Variants in BCAP29 observed in about 807,000 individuals in gnomAD.
BCAP29 encodes the protein B cell receptor associated protein 29, also known as B-cell receptor-associated protein 29.
BCAP29 carries 34 observed loss-of-function variants against 31.8 expected under a neutral mutation model. The observed-to-expected ratio is 1.07, with a 90% CI of 0.81 to 1.42. The LOEUF (loss-of-function observed/expected upper bound fraction) is 1.42, where lower values mean the gene tolerates loss of function less well. Among genes scored for constraint, BCAP29 ranks in the 40% most tolerant of loss-of-function variants. The pLI is 0.00. For missense variants in BCAP29, 314 were observed against 269.2 expected (o/e 1.17, Z -1.16); for synonymous variants, 104 against 91.3 (o/e 1.14, Z -0.79).
At chr7:107,614,560 C>T (rs1813786289) in intron 7 of BCAP29, among the ~76,000 whole-genome samples, 1 of 152,224 alleles carries the variant, frequency 6.6e-6, no homozygotes, top group African/African-American at 2.4e-5. Flanking sequence ...TGTATTACTT[C>T]CTCTGTAGGA....
At chr7:107,615,401 C>A (rs1813932799) in intron 7 of BCAP29, 1 of 444,580 alleles carries the variant, frequency 2.2e-6, no homozygotes, top group African/African-American at 2.0e-5. Context: ...TCAAGACCAT[C>A]CTGGCTAACA....
chr7:107,594,256 A>G, intron 4 of BCAP29, 151 bp downstream of exon 4: 5 of 656,412 alleles, frequency 7.6e-6, no homozygotes, highest in Middle Eastern at 4.2e-4. Context: ...TGGTGCCTTC[A>G]TAGCTCACTG....
intron 5 of BCAP29, among the ~76,000 whole-genome samples, chr7:107,599,925 C>G (rs938183105): frequency 3.3e-4 from 50 of 152,096 alleles, no homozygotes; most frequent in African/African-American, 1.2e-3. Flanking sequence ...AGAAATGGTC[C>G]TGTCATTTCC....
rs1303562851 is a variant in BCAP29, at chr7:107,580,838, C to G, written c.66C>G (p.Phe22Leu). The G allele has an allele frequency of 1.9e-6, 3 of 1,589,698 alleles. No homozygotes were observed. Among genetic ancestry groups the G allele is most frequent in the Middle Eastern group, 1.7e-4 (1 of 6,028 alleles). The part of the protein sequence containing the change: ...LYAEIGLILI[F>L]CLPFIPPQRW... ...CCGAAATAGGACTCATTTTAATCTT[C>G]TGCCTACCTTTTATTCCTCCTCAGA... is the stretch of plus-strand genomic sequence containing the variant. Residue 22 changes from phenylalanine (F) to leucine (L), a missense_variant, in exon 2 of 8, where the codon TTC (phenylalanine) becomes TTG (leucine). By Grantham distance (22) the Phe-to-Leu change is conservative. Transcript: ENST00000005259.
chr7:107,590,643 C>A (rs1432704341), intron 3 of BCAP29, among the ~76,000 whole-genome samples: 1 of 151,870 alleles, frequency 6.6e-6, no homozygotes, highest in Non-Finnish European at 1.5e-5. Flanking sequence ...CATGGCTAAA[C>A]CCCGTCTCTA....
At chr7:107,602,310 C>T (rs1182971748) in intron 6 of BCAP29, among the ~76,000 whole-genome samples, 2 of 152,100 alleles carry the variant, frequency 1.3e-5, no homozygotes, top group Admixed American at 1.3e-4. Context: ...GATCAGAGTT[C>T]CGTTTCTAAA....
In BCAP29 at chr7:107,583,941, C is replaced by T; in HGVS notation, c.152C>T (p.Ala51Val). 6.3e-7 allele frequency: 1 copy of T among 1,584,886 alleles called. No individual in the cohort carries two copies. The highest frequency in any genetic ancestry group is 8.6e-7 in the Non-Finnish European group (1 of 1,164,338). The change falls in exon 3 of 8, where the codon GCT becomes GTT. Residue 51 changes from alanine to valine, a missense_variant. Coordinates refer to ENST00000005259, the MANE Select transcript of BCAP29 (RefSeq NM_018844.4). ...AAAATTGCAACTTTTTGGAACAAGG[C>T]TTTCCTTACCATTATCATCCTATTG... ...WGKIATFWNK[A>V]FLTIIILLIV... is the part of the protein sequence containing the mutation.
chr7:107,616,519 C>G (rs1190128389), intron 7 of BCAP29: 1 of 152,202 alleles, frequency 6.6e-6, no homozygotes, highest in Non-Finnish European at 1.5e-5. Context: ...ATCTATGCTC[C>G]TCAGGTACTT....
In BCAP29 at chr7:107,580,881, T is replaced by C. The variant is rs1585018637; in HGVS notation, c.92+17T>C. 1 of 1,534,410 alleles carries C rather than the reference T, an allele frequency of 6.5e-7. No homozygotes were observed. ...TCCTCAGAGGTAGGAAACCTTCAAATCGTTAACTAATAAATATTGGATCGC... is the reference window on the plus strand; with the variant it reads ...TCCTCAGAGGTAGGAAACCTTCAAACCGTTAACTAATAAATATTGGATCGC... On this transcript the variant is annotated intron_variant, in intron 2 of 7. Coordinates refer to ENST00000005259, the MANE Select transcript of BCAP29 (RefSeq NM_018844.4).
intron 6 of BCAP29, among the ~76,000 whole-genome samples, chr7:107,603,687 C>A (rs912921910): frequency 2.7e-5 from 4 of 149,772 alleles, no homozygotes; most frequent in African/African-American, 1.0e-4. Context: ...CTTACTGCAA[C>A]CTCGAACTCC....
intron 6 of BCAP29, 51 bp downstream of exon 6, chr7:107,600,556 G>T (rs754208223): frequency 1.8e-6 from 2 of 1,092,318 alleles, no homozygotes; most frequent in South Asian, 2.8e-5. Flanking sequence ...GATATTTTAT[G>T]CTGTACACTT....
At chr7:107,598,073 G>GT (rs1456316913) in intron 5 of BCAP29, among the ~76,000 whole-genome samples, 2 of 152,176 alleles carry the variant, frequency 1.3e-5, no homozygotes, top group Non-Finnish European at 2.9e-5. Context: ...ATTTAGGCAA[G>GT]TTTACAGGTG....
chr7:107,597,410 C>T (rs551871638), intron 5 of BCAP29, among the ~76,000 whole-genome samples: 73 of 152,110 alleles, frequency 4.8e-4, no homozygotes, highest in Non-Finnish European at 8.7e-4. Flanking sequence ...ACACATTATC[C>T]AGTGGAAACT....
intron 2 of BCAP29, among the ~76,000 whole-genome samples, chr7:107,582,884 T>TTGGCTGTATA (rs1806955330): frequency 6.6e-6 from 1 of 152,132 alleles, no homozygotes; most frequent in African/African-American, 2.4e-5. Context: ...AATTTAAATA[T>TTGGCTGTATA]TGGCTGTATA....
downstream of BCAP29, chr7:107,622,956 C>G (rs556821957): frequency 6.6e-6 from 1 of 152,158 alleles, no homozygotes; most frequent in South Asian, 2.1e-4. Context: ...TTTTTATAAA[C>G]AGCTGTCAAG....
intron 6 of BCAP29, among the ~76,000 whole-genome samples, chr7:107,602,585 G>A (rs1372548644): frequency 6.6e-6 from 1 of 151,880 alleles, no homozygotes; most frequent in Non-Finnish European, 1.5e-5. Context: ...GAGGAAAATA[G>A]GGTGTTTTCC....
chr7:107,580,153 C>T (rs572430593), upstream of BCAP29: 2 of 152,298 alleles, frequency 1.3e-5, no homozygotes, highest in South Asian at 4.1e-4. Flanking sequence ...CGCCTGTGAC[C>T]TCAGCCGGGA....
chr7:107,598,502 T>C (rs1249345972), intron 5 of BCAP29, among the ~76,000 whole-genome samples: 1 of 152,160 alleles, frequency 6.6e-6, no homozygotes, highest in Admixed American at 6.5e-5. Context: ...TATTTGGTCT[T>C]GTGCTACAGT....
At chr7:107,612,433 A>T (rs6971658) in intron 6 of BCAP29, among the ~76,000 whole-genome samples, 11,832 of 41,976 alleles carry the variant, frequency 0.28, 2,270 homozygotes, top group African/African-American at 0.52. Flanking sequence ...ATATATATAT[A>T]TATATATTTA....
Sources: gnomAD v4.1 joint callset for allele counts (sites outside exome capture counted in the v4.1 genomes callset) on GRCh38, gnomAD v4.1.1 for gene constraint, MANE v1.5 for transcripts, NCBI Gene and HGNC (gene_info 2026-07-23, HGNC 2026-07-21) for gene names.